Variants in LHFPL3 observed in about 807,000 individuals in gnomAD.
LHFPL3 encodes LHFPL tetraspan subfamily member 3.
LHFPL3 carries 5 observed loss-of-function variants against 19.3 expected under a neutral mutation model. That is an observed-to-expected ratio of 0.26 (90% CI 0.14 to 0.54). The LOEUF (loss-of-function observed/expected upper bound fraction) is 0.54, where lower values mean the gene tolerates loss of function less well. Among genes scored for constraint, LHFPL3 ranks in the 20% least tolerant of loss-of-function variants. The probability of loss-of-function intolerance (pLI) is 0.94; values close to 1 mark genes in which losing one functional copy is unlikely to be tolerated. For missense variants in LHFPL3, 249 were observed against 307.4 expected (o/e 0.81, Z 1.42); for synonymous variants, 133 against 126.2 (o/e 1.05, Z -0.36).
chr7:104,496,079 A>G (rs148654732), intron 1 of LHFPL3, among the ~76,000 whole-genome samples: 5,049 of 152,190 alleles, frequency 0.033, 109 homozygotes, highest in Middle Eastern at 0.065. Context: ...TTAACTCGTC[A>G]TTTAGCATTA....
At chr7:104,330,096 C>T (rs1001039252) in intron 1 of LHFPL3, among the ~76,000 whole-genome samples, 1 of 152,148 alleles carries the variant, frequency 6.6e-6, no homozygotes, top group African/African-American at 2.4e-5. Flanking sequence ...ATCAAAGTTA[C>T]TTTTAACCCA....
Position 104,837,186 on chromosome 7 carries a change from C to T in LHFPL3, c.683-69001C>T, listed in dbSNP as rs546706281. Among the ~76,000 whole-genome samples, 3 of 152,294 alleles carry T rather than the reference C, an allele frequency of 2.0e-5. No individual in the cohort carries two copies. The East Asian group carries it at 5.8e-4, about 29-fold the overall frequency. On this transcript the variant is annotated intron_variant, in intron 2 of 2. Coordinates refer to ENST00000424859, the MANE Select transcript of LHFPL3 (RefSeq NM_199000.3). ...AGGAAGGAACTTGGATGACTTCATC[C>T]TGGATCACTCTCAGCTCTCATGTTT...
chr7:104,849,790 T>C (rs973229676), intron 2 of LHFPL3, among the ~76,000 whole-genome samples: 7 of 152,226 alleles, frequency 4.6e-5, no homozygotes, highest in Admixed American at 1.3e-4. Context: ...TCCTTCTGGA[T>C]GTGGGGCAGG....
chr7:104,831,126 T>C (rs1338148528), intron 2 of LHFPL3, among the ~76,000 whole-genome samples: 5 of 152,000 alleles, frequency 3.3e-5, no homozygotes, highest in South Asian at 4.1e-4. Flanking sequence ...AATTGACCAT[T>C]TCACTGTGTG....
At chr7:104,454,052 G>A (rs1326522999) in intron 1 of LHFPL3, among the ~76,000 whole-genome samples, 5 of 152,180 alleles carry the variant, frequency 3.3e-5, no homozygotes, top group African/African-American at 1.2e-4. Flanking sequence ...CCTGTCTACA[G>A]TTTAATTGGG....
intron 1 of LHFPL3, among the ~76,000 whole-genome samples, chr7:104,611,215 CAAT>C (rs1195186269): frequency 6.6e-6 from 1 of 152,124 alleles, no homozygotes; most frequent in East Asian, 1.9e-4. Context: ...CATTAGATAA[CAAT>C]AATTTTATTT....
intron 1 of LHFPL3, among the ~76,000 whole-genome samples, chr7:104,407,598 G>A (rs8180848): frequency 0.4 from 61,074 of 152,110 alleles, 12,599 homozygotes; most frequent in Admixed American, 0.52. Flanking sequence ...AGAGGTTGCA[G>A]TGAGCTGAGA....
chr7:104,605,907 C>T (rs537831852), intron 1 of LHFPL3, among the ~76,000 whole-genome samples: 1 of 151,544 alleles, frequency 6.6e-6, no homozygotes, highest in Non-Finnish European at 1.5e-5. Context: ...GAAAAGCTAC[C>T]CCGTCTTTTA....
intron 2 of LHFPL3, among the ~76,000 whole-genome samples, chr7:104,897,069 G>C (rs1307407223): frequency 6.6e-6 from 1 of 151,012 alleles, no homozygotes; most frequent in African/African-American, 2.4e-5. Context: ...CCAGGTGACA[G>C]AGTGAGACTC....
intron 1 of LHFPL3, among the ~76,000 whole-genome samples, chr7:104,470,939 T>A (rs114535361): frequency 0.088 from 13,314 of 152,050 alleles, 699 homozygotes; most frequent in Middle Eastern, 0.14. Context: ...CTCCTGCCAG[T>A]CCCCCTGCCC....
chr7:104,387,227 G>A (rs1584284332), intron 1 of LHFPL3, among the ~76,000 whole-genome samples: 2 of 152,266 alleles, frequency 1.3e-5, no homozygotes, highest in African/African-American at 2.4e-5. Flanking sequence ...ACATGGCCAG[G>A]TGTGGTGGCA....
chr7:104,509,638 G>A (rs1793771717), intron 1 of LHFPL3, among the ~76,000 whole-genome samples: 1 of 151,932 alleles, frequency 6.6e-6, no homozygotes, highest in Admixed American at 6.6e-5. Context: ...TATACATAAT[G>A]GTAAAAAATT....
intron 1 of LHFPL3, among the ~76,000 whole-genome samples, chr7:104,583,151 A>T (rs541907806): frequency 2.6e-5 from 4 of 152,238 alleles, no homozygotes; most frequent in East Asian, 1.9e-4. Flanking sequence ...CTCAGAAATG[A>T]TGTCACATAT....
intron 1 of LHFPL3, among the ~76,000 whole-genome samples, chr7:104,512,330 T>A (rs1478572372): frequency 6.6e-6 from 1 of 152,090 alleles, no homozygotes; most frequent in African/African-American, 2.4e-5. Context: ...TATCAGATAT[T>A]TTTTTGTGTT....
intron 2 of LHFPL3, among the ~76,000 whole-genome samples, chr7:104,881,014 C>A (rs1792043187): frequency 6.6e-6 from 1 of 151,962 alleles, no homozygotes; most frequent in Non-Finnish European, 1.5e-5. Flanking sequence ...ACTGAAAATA[C>A]AAAATATTAG....
At chr7:104,561,906 T>C in intron 1 of LHFPL3, among the ~76,000 whole-genome samples, 1 of 152,080 alleles carries the variant, frequency 6.6e-6, no homozygotes, top group African/African-American at 2.4e-5. Context: ...AGCATTTGCT[T>C]GTCTGTAAAG....
intron 2 of LHFPL3, among the ~76,000 whole-genome samples, chr7:104,844,432 C>T (rs142946369): frequency 1.0e-3 from 152 of 152,340 alleles, no homozygotes; most frequent in African/African-American, 3.5e-3. Context: ...TTTAAAGTTA[C>T]TCTGAATTGC....
intron 1 of LHFPL3, among the ~76,000 whole-genome samples, chr7:104,471,085 A>G (rs1792898688): frequency 6.6e-6 from 1 of 152,136 alleles, no homozygotes; most frequent in South Asian, 2.1e-4. Flanking sequence ...TTAAACATGG[A>G]ATTCTCGTGA....
intron 2 of LHFPL3, among the ~76,000 whole-genome samples, chr7:104,788,789 G>C (rs746987787): frequency 4.6e-5 from 7 of 152,164 alleles, no homozygotes; most frequent in Non-Finnish European, 7.4e-5. Flanking sequence ...AAATCAAACT[G>C]GTCACTTCTT....
Sources: gnomAD v4.1 joint callset for allele counts (sites outside exome capture counted in the v4.1 genomes callset) on GRCh38, gnomAD v4.1.1 for gene constraint, MANE v1.5 for transcripts, NCBI Gene and HGNC (gene_info 2026-07-23, HGNC 2026-07-21) for gene names.